Variants in DLG2 observed in about 807,000 individuals in gnomAD.
The protein encoded by DLG2 is disks large homolog 2.
Under a neutral mutation model 132.5 loss-of-function variants are expected in DLG2, and 45 were observed. That is an observed-to-expected ratio of 0.34 (90% CI 0.27 to 0.44). The LOEUF is 0.44. DLG2 is among the 20% of genes least tolerant of loss of function. The pLI is 1.00. For missense variants in DLG2, 1,045 were observed against 1,196.9 expected, an observed-to-expected ratio of 0.87 and a Z score of 1.87; for synonymous variants, 424 against 419.6, an observed-to-expected ratio of 1.01 and a Z score of -0.13.
intron 6 of DLG2, among the ~76,000 whole-genome samples, chr11:85,067,795 AT>A (rs2065152379): frequency 6.6e-6 from 1 of 152,112 alleles, no homozygotes; most frequent in Admixed American, 6.6e-5. Context: ...TCCCTAACTC[AT>A]TTTATGAGGC....
At chr11:84,793,228 G>A (rs776182684) in intron 6 of DLG2, among the ~76,000 whole-genome samples, 18 of 152,008 alleles carry the variant, frequency 1.2e-4, no homozygotes, top group Non-Finnish European at 1.9e-4. Flanking sequence ...TTCAAAATTC[G>A]TCCTTTGATT....
chr11:83,553,669 G>C (rs1762200286), intron 19 of DLG2, among the ~76,000 whole-genome samples: 2 of 152,060 alleles, frequency 1.3e-5, no homozygotes, highest in African/African-American at 4.8e-5. Context: ...GCTGATAGCT[G>C]AAACACTGTG....
At chr11:84,894,951 G>A (rs529344646) in intron 6 of DLG2, among the ~76,000 whole-genome samples, 1 of 152,174 alleles carries the variant, frequency 6.6e-6, no homozygotes, top group African/African-American at 2.4e-5. Context: ...GGCTCCACGG[G>A]GCAATGTCTG....
intron 21 of DLG2, among the ~76,000 whole-genome samples, chr11:83,505,943 A>G (rs2094676365): frequency 6.6e-6 from 1 of 152,160 alleles, no homozygotes; most frequent in South Asian, 2.1e-4. Context: ...GCAGGGTGGC[A>G]GGAGTGGAGA....
chr11:84,964,898 C>G (rs1484651399), intron 6 of DLG2, among the ~76,000 whole-genome samples: 1 of 152,056 alleles, frequency 6.6e-6, no homozygotes, highest in Non-Finnish European at 1.5e-5. Flanking sequence ...ATAAAATACA[C>G]AAGAATACAC....
At chr11:84,191,590 T>C (rs1263567094) in intron 8 of DLG2, among the ~76,000 whole-genome samples, 2 of 152,202 alleles carry the variant, frequency 1.3e-5, no homozygotes, top group Non-Finnish European at 2.9e-5. Flanking sequence ...AATGAACTAA[T>C]ACAAATATCC....
intron 6 of DLG2, among the ~76,000 whole-genome samples, chr11:84,977,587 G>GACAA: frequency 2.0e-5 from 3 of 152,110 alleles, no homozygotes; most frequent in Non-Finnish European, 4.4e-5. Context: ...TGTTCTAAGT[G>GACAA]ATGAAAAACT....
intron 6 of DLG2, among the ~76,000 whole-genome samples, chr11:84,678,109 T>A (rs2099718967): frequency 6.6e-6 from 1 of 152,118 alleles, no homozygotes; most frequent in East Asian, 1.9e-4. Flanking sequence ...GAAAAGCAGC[T>A]TCTCTCACCC....
At position 84,433,477 on chromosome 11, in the gene DLG2, C is replaced by T. The variant is rs531495871; in HGVS notation, c.519+101093G>A. Among the ~76,000 whole-genome samples, 4 of 152,232 alleles carry T rather than the reference C, an allele frequency of 2.6e-5. No individual in the cohort carries two copies. In the East Asian group the frequency reaches 7.7e-4, roughly 29 times the overall value. ...CTGAATTACTTACACAGGGTCAAAA[C>T]AAAGAAGAAAGGAATAATTATTTGA... On this transcript the variant is annotated intron_variant, in intron 7 of 27. Transcript: ENST00000376104.
intron 6 of DLG2, among the ~76,000 whole-genome samples, chr11:84,929,218 C>T (rs2047814818): frequency 1.3e-5 from 2 of 151,142 alleles, no homozygotes; most frequent in African/African-American, 2.4e-5. Flanking sequence ...AACTCCAATA[C>T]TAAGTCTTTT....
At chr11:85,259,219 C>T (rs971380411) in intron 4 of DLG2, among the ~76,000 whole-genome samples, 2 of 152,084 alleles carry the variant, frequency 1.3e-5, no homozygotes, top group African/African-American at 2.4e-5. Context: ...ACTGAGCTCT[C>T]ACAAGATCTG....
At chr11:85,609,237 G>A (rs2080815126) in intron 2 of DLG2, among the ~76,000 whole-genome samples, 2 of 152,092 alleles carry the variant, frequency 1.3e-5, no homozygotes, top group Non-Finnish European at 2.9e-5. Flanking sequence ...ACTCACTACG[G>A]GGTCAATTGA....
At chr11:85,305,833 GT>G (rs2079905685) in intron 3 of DLG2, among the ~76,000 whole-genome samples, 1 of 152,142 alleles carries the variant, frequency 6.6e-6, no homozygotes, top group Non-Finnish European at 1.5e-5. Flanking sequence ...CTTTTATACT[GT>G]GAAAGGAAAA....
intron 19 of DLG2, among the ~76,000 whole-genome samples, chr11:83,550,798 A>G (rs7940251): frequency 0.016 from 2,423 of 152,238 alleles, 52 homozygotes; most frequent in African/African-American, 0.056. Context: ...TAACTGAGAT[A>G]TTTCAGAGAA....
intron 18 of DLG2, among the ~76,000 whole-genome samples, chr11:83,658,769 C>T (rs921768302): frequency 6.6e-6 from 1 of 152,172 alleles, no homozygotes; most frequent in Non-Finnish European, 1.5e-5. Context: ...TTTTAAGCAC[C>T]TTAAAGAAGT....
intron 3 of DLG2, among the ~76,000 whole-genome samples, chr11:85,306,095 C>T (rs911822648): frequency 2.0e-5 from 3 of 151,988 alleles, no homozygotes; most frequent in African/African-American, 7.3e-5. Context: ...CAGAAAATAC[C>T]CATCTTGTAA....
At chr11:84,834,234 C>A (rs1269572613) in intron 6 of DLG2, among the ~76,000 whole-genome samples, 1 of 151,488 alleles carries the variant, frequency 6.6e-6, no homozygotes, top group Non-Finnish European at 1.5e-5. Flanking sequence ...AAAGTTTAGA[C>A]CCCAAATCTA....
At position 85,460,427 on chromosome 11, in the gene DLG2, C is replaced by T. The variant is rs1304241664; in HGVS notation, c.40+138230G>A. 3.9e-5 allele frequency among the ~76,000 whole-genome samples: 6 copies of T among 152,306 alleles called. No homozygotes were observed. In the East Asian group the frequency reaches 9.7e-4, roughly 25 times the overall value. On this transcript the variant is annotated intron_variant, in intron 3 of 27. Transcript: ENST00000376104. ...AGGTCCATGGCAGAACTGTGGGTCC[C>T]TGGGGACTCTCACTCACTCACAATT...
chr11:84,618,714 GA>G (rs2099608794), intron 6 of DLG2, among the ~76,000 whole-genome samples: 1 of 151,980 alleles, frequency 6.6e-6, no homozygotes, highest in Admixed American at 6.6e-5. Context: ...TATTGACCCT[GA>G]AAATTCCCAC....
Sources: gnomAD v4.1 joint callset for allele counts (sites outside exome capture counted in the v4.1 genomes callset) on GRCh38, gnomAD v4.1.1 for gene constraint, MANE v1.5 for transcripts, NCBI Gene and HGNC (gene_info 2026-07-23, HGNC 2026-07-21) for gene names.